The following GPC6 variants were observed in gnomAD, a reference collection of about 807,000 sequenced individuals.
GPC6 encodes glypican 6.
In GPC6, 14 loss-of-function variants were observed where a neutral mutation model predicts 55.2. That is an observed-to-expected ratio of 0.25 (90% confidence interval 0.17 to 0.40). The LOEUF is 0.40. Ranked by LOEUF, GPC6 falls within the 10% of genes least tolerant of loss-of-function variation. GPC6 has a pLI of 1.00. For missense variants in GPC6, 641 were observed against 708.5 expected (o/e 0.90, Z 1.08); for synonymous variants, 278 against 259.6 (o/e 1.07, Z -0.68).
At chr13:93,777,719 T>C (rs1283236958) in intron 2 of GPC6, among the ~76,000 whole-genome samples, 1 of 152,336 alleles carries the variant, frequency 6.6e-6, no homozygotes, top group Non-Finnish European at 1.5e-5. Flanking sequence ...ACAAGGGTTA[T>C]TGCTAATGCC....
At chr13:94,055,591 G>A (rs1180884267) in intron 4 of GPC6, among the ~76,000 whole-genome samples, 2 of 152,136 alleles carry the variant, frequency 1.3e-5, no homozygotes, top group Non-Finnish European at 2.9e-5. Flanking sequence ...TGAATAAACT[G>A]TAAGTAAACC....
chr13:93,239,018 T>C (rs1238878631), intron 1 of GPC6, among the ~76,000 whole-genome samples: 2 of 152,090 alleles, frequency 1.3e-5, no homozygotes, highest in Non-Finnish European at 2.9e-5. Context: ...CTTTTGCATC[T>C]ATGTTCATCA....
intron 3 of GPC6, among the ~76,000 whole-genome samples, chr13:93,854,866 A>T (rs1888540964): frequency 1.3e-5 from 2 of 150,100 alleles, no homozygotes; most frequent in Admixed American, 1.3e-4. Flanking sequence ...AAGAATAGAC[A>T]TTCTTTTTCA....
chr13:94,143,147 GA>G (rs199930226), intron 4 of GPC6, among the ~76,000 whole-genome samples: 37,541 of 144,330 alleles, frequency 0.26, 5,116 homozygotes, highest in South Asian at 0.4. Context: ...ACCTTTTAAT[GA>G]AAAAAAAAAA....
chr13:94,247,408 G>A (rs1891227712), intron 4 of GPC6, among the ~76,000 whole-genome samples: 3 of 152,032 alleles, frequency 2.0e-5, no homozygotes, highest in Admixed American at 2.0e-4. Context: ...GCTAAAGCGG[G>A]CATCCTGGCC....
chr13:93,262,178 C>T (rs1295639982), intron 1 of GPC6, among the ~76,000 whole-genome samples: 1 of 152,064 alleles, frequency 6.6e-6, no homozygotes, highest in Non-Finnish European at 1.5e-5. Context: ...CAACATTCCT[C>T]AAGCCAAAAG....
At chr13:94,232,505 A>T (rs1205604428) in intron 4 of GPC6, among the ~76,000 whole-genome samples, 1 of 152,072 alleles carries the variant, frequency 6.6e-6, no homozygotes. Flanking sequence ...TTACCAAAGC[A>T]ATTGCCCCCC....
chr13:93,361,367 T>C (rs1227537155), intron 1 of GPC6, among the ~76,000 whole-genome samples: 1 of 152,146 alleles, frequency 6.6e-6, no homozygotes, highest in Non-Finnish European at 1.5e-5. Flanking sequence ...CCTGTCATTG[T>C]CTCTAATTCC....
chr13:93,930,783 G>A (rs148668762), intron 3 of GPC6, among the ~76,000 whole-genome samples: 2 of 152,158 alleles, frequency 1.3e-5, no homozygotes, highest in East Asian at 3.9e-4. Flanking sequence ...GTCCATTTGT[G>A]GACTAGTATA....
At chr13:93,910,760 A>G (rs914485346) in intron 3 of GPC6, among the ~76,000 whole-genome samples, 2 of 152,204 alleles carry the variant, frequency 1.3e-5, no homozygotes, top group Non-Finnish European at 2.9e-5. Context: ...AATCCAGTCA[A>G]CCATTAAATA....
intron 1 of GPC6, among the ~76,000 whole-genome samples, chr13:93,375,766 CA>C (rs1482005238): frequency 1.3e-5 from 2 of 151,202 alleles, no homozygotes; most frequent in African/African-American, 4.9e-5. Context: ...ATTCCTGTGC[CA>C]GGCCAATTAA....
chr13:93,241,778 G>T (rs1434331207), intron 1 of GPC6, among the ~76,000 whole-genome samples: 1 of 151,248 alleles, frequency 6.6e-6, no homozygotes, highest in African/African-American at 2.4e-5. Flanking sequence ...TTCTCATCTG[G>T]ATAGAATTGT....
intron 1 of GPC6, among the ~76,000 whole-genome samples, chr13:93,238,047 G>A (rs892502242): frequency 6.6e-6 from 1 of 151,892 alleles, no homozygotes; most frequent in African/African-American, 2.4e-5. Flanking sequence ...TTGGCTACTC[G>A]GGCTCTTTGT....
intron 2 of GPC6, among the ~76,000 whole-genome samples, chr13:93,612,253 A>T (rs1027902747): frequency 2.6e-5 from 4 of 152,348 alleles, no homozygotes; most frequent in South Asian, 2.1e-4. Context: ...TAATCCCAGC[A>T]CTTTGGGAAG....
intron 2 of GPC6, among the ~76,000 whole-genome samples, chr13:93,703,815 ACT>A (rs1406153598): frequency 4.0e-5 from 6 of 151,836 alleles, no homozygotes; most frequent in Admixed American, 3.3e-4. Context: ...ATGAAAAGAA[ACT>A]CTCTATTTTT....
At chr13:94,144,742 T>G (rs1887502250) in intron 4 of GPC6, among the ~76,000 whole-genome samples, 1 of 152,140 alleles carries the variant, frequency 6.6e-6, no homozygotes. Context: ...TAATTCAGAG[T>G]GATCTTTGAG....
intron 4 of GPC6, among the ~76,000 whole-genome samples, chr13:94,082,173 A>T (rs1303248823): frequency 6.6e-6 from 1 of 152,090 alleles, no homozygotes; most frequent in Non-Finnish European, 1.5e-5. Flanking sequence ...CTTACAAAAA[A>T]AGATGAGACT....
At chr13:93,249,668 A>T (rs1876718381) in intron 1 of GPC6, among the ~76,000 whole-genome samples, 1 of 152,236 alleles carries the variant, frequency 6.6e-6, no homozygotes, top group Non-Finnish European at 1.5e-5. Context: ...GCAGCGCCTC[A>T]TATTTCCACT....
intron 6 of GPC6, among the ~76,000 whole-genome samples, chr13:94,324,682 C>T (rs763570343): frequency 6.8e-6 from 1 of 147,834 alleles, no homozygotes; most frequent in Admixed American, 6.8e-5. Context: ...GACTGAGGAA[C>T]CAGAACAAGA....
Sources: allele counts gnomAD v4.1 joint callset (sites outside exome capture counted in the v4.1 genomes callset), GRCh38; gene constraint gnomAD v4.1.1; transcripts MANE v1.5; gene names NCBI Gene and HGNC (gene_info 2026-07-23, HGNC 2026-07-21).